PWWP2B: variants seen among roughly 807,000 people sequenced by gnomAD.
The protein encoded by PWWP2B is PWWP domain containing 2B, also known as PWWP domain-containing protein 2B.
Under a neutral mutation model 15.5 loss-of-function variants are expected in PWWP2B, and 9 were observed. The ratio of observed to expected loss-of-function variants is 0.58; its 90% confidence interval spans 0.35 to 1.02. PWWP2B has a LOEUF of 1.02. Ranked by LOEUF, PWWP2B falls within the 50% of genes least tolerant of loss-of-function variation. The pLI is 0.02. For missense variants in PWWP2B, 864 were observed against 865.3 expected (o/e 1.00, Z 0.02); for synonymous variants, 474 against 403.6 (o/e 1.17, Z -2.09).
At chr10:132,409,211 C>T (rs1188528813) in intron 2 of PWWP2B, among the ~76,000 whole-genome samples, 2 of 152,244 alleles carry the variant, frequency 1.3e-5, no homozygotes, top group Non-Finnish European at 2.9e-5. Flanking sequence ...GGCCTGTGGC[C>T]GCTGCCCTTG....
At position 132,405,402 on chromosome 10, in the gene PWWP2B, C is replaced by A; in HGVS notation, c.902C>A (p.Ser301Tyr). Residue 301 changes from serine to tyrosine, a missense_variant, in exon 2 of 3, where the codon TCC becomes TAC. Coordinates refer to ENST00000305233, the MANE Select transcript of PWWP2B (RefSeq NM_138499.4). Reference sequence around the variant, plus strand: ...GACCCCGAGGTGCTGGACAGAGAGTCCCGGGACCGGCCGTCCTGCGCGCCC... The same window carrying A: ...GACCCCGAGGTGCTGGACAGAGAGTACCGGGACCGGCCGTCCTGCGCGCCC... ...SQDPEVLDRE[S>Y]RDRPSCAPSA... 2 of 1,611,116 alleles carry A rather than the reference C, an allele frequency of 1.2e-6. No individual in the cohort carries two copies. The highest frequency in any genetic ancestry group is 1.1e-5 in the South Asian group (1 of 90,986).
Position 132,405,534 on chromosome 10 carries a change from A to G in PWWP2B, c.1034A>G (p.His345Arg), listed in dbSNP as rs562598095. Reference protein sequence around the residue: ...LKPHRLGDSEHEPVYRAELVG... With the variant: ...LKPHRLGDSEREPVYRAELVG... The stretch of plus-strand genomic sequence containing the variant: ...CCCCACCGTCTGGGGGACAGCGAGC[A>G]CGAGCCCGTGTACCGGGCCGAGCTG... Residue 345 changes from histidine (H) to arginine (R), a missense_variant, in exon 2 of 3, where the codon CAC becomes CGC. Around this residue, in one of 2 missense-constraint regions of PWWP2B, gnomAD observed 736 missense variants for 687.7 expected, o/e 1.07. Coordinates refer to ENST00000305233, the MANE Select transcript of PWWP2B (RefSeq NM_138499.4). The G allele has an allele frequency of 5.6e-6, 9 of 1,603,572 alleles. No individual in the cohort carries two copies. The highest frequency in any genetic ancestry group is 1.7e-4 in the Middle Eastern group (1 of 6,054).
intron 1 of PWWP2B, among the ~76,000 whole-genome samples, chr10:132,399,553 C>T (rs2069587640): frequency 6.6e-6 from 1 of 152,272 alleles, no homozygotes; most frequent in African/African-American, 2.4e-5. Flanking sequence ...TGGCTTGTGC[C>T]ACAAGGGCCA....
rs1210407638 is a variant in PWWP2B, at chr10:132,417,239, C to A, written c.*195C>A. Reference sequence around the variant, plus strand: ...GGGGATGGCCCTGAGCCCAGCGGCTCCTCCCGCTGAGTGTATTTCTTCCCA... The same window carrying A: ...GGGGATGGCCCTGAGCCCAGCGGCTACTCCCGCTGAGTGTATTTCTTCCCA... On this transcript the variant is annotated 3_prime_UTR_variant, in exon 3 of 3. Coordinates refer to ENST00000305233, the MANE Select transcript of PWWP2B (RefSeq NM_138499.4). 3 of 736,370 alleles carry A rather than the reference C, an allele frequency of 4.1e-6. No individual in the cohort carries two copies. The highest frequency in any genetic ancestry group is 7.0e-6 in the Non-Finnish European group (3 of 425,886). The allele number at this position is 736,370 out of a possible 1,614,324, so 45.6% of individuals were successfully genotyped here.
chr10:132,406,269 C>T lies in PWWP2B; in HGVS notation c.1769C>T (p.Thr590Met), dbSNP rs762657112. Residue 590 changes from threonine (T) to methionine (M), a missense_variant, in exon 2 of 3, where the codon ACG becomes ATG. Physicochemically the swap from Thr to Met is moderately conservative, Grantham distance 81. This residue lies in a region of PWWP2B where 128 missense variants were observed against 177.6 expected (regional missense o/e 0.72). Coordinates refer to ENST00000305233, the MANE Select transcript of PWWP2B (RefSeq NM_138499.4). The stretch of plus-strand genomic sequence containing the variant: ...AGGGAGCTCTTAACCCAGTTTGAAA[C>T]GTAACTGGTTCCCTGACCAGGTGAG... ...EIRELLTQFE[T>M] 3.7e-6 allele frequency: 6 copies of T among 1,606,622 alleles called. No individual in the cohort carries two copies. The highest frequency in any genetic ancestry group is 1.1e-5 in the South Asian group (1 of 90,692).
intron 2 of PWWP2B, among the ~76,000 whole-genome samples, 166 bp from the exon 3 acceptor site, chr10:132,416,895 G>A (rs1452780461): frequency 6.6e-6 from 1 of 152,184 alleles, no homozygotes; most frequent in Non-Finnish European, 1.5e-5. Flanking sequence ...CAGCCGGGCT[G>A]TGGGCCCTGA....
rs1038755856 is a variant in PWWP2B, at chr10:132,405,515, C to T, written c.1015C>T (p.Arg339Cys). 3.1e-6 allele frequency: 5 copies of T among 1,603,862 alleles called. No individual in the cohort carries two copies. The highest frequency in any genetic ancestry group is 1.7e-5 in the Admixed American group (1 of 59,956). Residue 339 changes from arginine (R) to cysteine (C), a missense_variant, in exon 2 of 3, where the codon CGT becomes TGT. Physicochemically the swap from Arg to Cys is radical, Grantham distance 180. Transcript: ENST00000305233. ...CCCTAAGATCCGCCTGAAGCCCCACCGTCTGGGGGACAGCGAGCACGAGCC... is the reference window on the plus strand; with the variant it reads ...CCCTAAGATCCGCCTGAAGCCCCACTGTCTGGGGGACAGCGAGCACGAGCC... ...PPPKIRLKPHRLGDSEHEPVY... is the reference protein window; with the variant it reads ...PPPKIRLKPHCLGDSEHEPVY...
intron 2 of PWWP2B, 87 bp from the exon 3 acceptor site, chr10:132,416,974 C>CCCTG: frequency 6.7e-7 from 1 of 1,494,262 alleles, no homozygotes; most frequent in Non-Finnish European, 9.3e-7. Context: ...CTCCGGGGCA[C>CCCTG]CCTGACCTGC....
intron 1 of PWWP2B, among the ~76,000 whole-genome samples, chr10:132,398,691 C>G (rs1323474351): frequency 6.6e-6 from 1 of 152,234 alleles, no homozygotes; most frequent in Non-Finnish European, 1.5e-5. Flanking sequence ...TCTACACCAC[C>G]GCCTCCCCTT....
At chr10:132,406,940 T>C (rs1030329203) in intron 2 of PWWP2B, among the ~76,000 whole-genome samples, 6 of 152,010 alleles carry the variant, frequency 3.9e-5, no homozygotes, top group Non-Finnish European at 5.9e-5. Flanking sequence ...TGGGACATGG[T>C]GTGGGGGCCT....
At chr10:132,413,114 G>C (rs775503194) in intron 2 of PWWP2B, among the ~76,000 whole-genome samples, 1 of 152,208 alleles carries the variant, frequency 6.6e-6, no homozygotes, top group African/African-American at 2.4e-5. Context: ...CCCTCGGGCC[G>C]CTGCTGTTTC....
Position 132,404,915 on chromosome 10 carries a change from T to C in PWWP2B, c.415T>C (p.Trp139Arg). 1 of 1,595,382 alleles carries C rather than the reference T, an allele frequency of 6.3e-7. No homozygotes were observed. Among genetic ancestry groups the C allele is most frequent in the South Asian group, 1.1e-5 (1 of 90,948 alleles). ...GTGGCTCCGGGACACGTACAAGCTG[T>C]GGGTGCCCCAGCCGCCGCCCAGGAC... ...PLWLRDTYKLWVPQPPPRTIK... is the reference protein window; with the variant it reads ...PLWLRDTYKLRVPQPPPRTIK... The change falls in exon 2 of 3, where the codon TGG (tryptophan) becomes CGG (arginine). Residue 139 changes from tryptophan (W) to arginine (R), a missense_variant. Transcript: ENST00000305233.
chr10:132,405,882 C>T lies in PWWP2B; in HGVS notation c.1382C>T (p.Ala461Val). ...GASAPSVSREARQTVPPLTVR... is the reference protein window; with the variant it reads ...GASAPSVSREVRQTVPPLTVR... Reference sequence around the variant, plus strand: ...TCAGCGCCCTCGGTGTCCAGAGAGGCTCGCCAAACGGTGCCGCCCCTGACG... The same window carrying T: ...TCAGCGCCCTCGGTGTCCAGAGAGGTTCGCCAAACGGTGCCGCCCCTGACG... The change falls in exon 2 of 3, where the codon GCT becomes GTT. Residue 461 changes from alanine to valine, a missense_variant. Around this residue, in one of 2 missense-constraint regions of PWWP2B, gnomAD observed 736 missense variants for 687.7 expected, o/e 1.07. Coordinates refer to ENST00000305233, the MANE Select transcript of PWWP2B (RefSeq NM_138499.4). 6.2e-7 allele frequency: 1 copy of T among 1,611,474 alleles called. No individual in the cohort carries two copies.
intron 1 of PWWP2B, among the ~76,000 whole-genome samples, chr10:132,398,303 T>G (rs2069565122): frequency 2.0e-5 from 3 of 152,190 alleles, no homozygotes. Flanking sequence ...CAGAAGCCAT[T>G]TATCCACAAG....
At position 132,397,349 on chromosome 10, in the gene PWWP2B, A is replaced by C; in HGVS notation, c.123A>C (p.Lys41Asn). The change falls in exon 1 of 3, where the codon AAA becomes AAC. Residue 41 changes from lysine to asparagine, a missense_variant and splice_region_variant. Around this residue, in one of 2 missense-constraint regions of PWWP2B, gnomAD observed 736 missense variants for 687.7 expected, o/e 1.07. Coordinates refer to ENST00000305233, the MANE Select transcript of PWWP2B (RefSeq NM_138499.4). Reference protein sequence around the residue: ...SFAGILLDCTKKSGLFGLPPL... With the variant: ...SFAGILLDCTNKSGLFGLPPL... ...CGGGGATCCTGCTGGACTGCACGAA[A>C]AAGTGAGCGGGGGCGCGGGCCGGGA... 7.4e-7 allele frequency: 1 copy of C among 1,353,544 alleles called. No individual in the cohort carries two copies. The highest frequency in any genetic ancestry group is 1.5e-5 in the African/African-American group (1 of 66,450). The allele number at this position is 1,353,544 out of a possible 1,614,324, so 83.8% of individuals were successfully genotyped here. A position where few individuals can be genotyped will look rare whatever the true frequency, so the allele number is the denominator to read the frequency against.
intron 2 of PWWP2B, among the ~76,000 whole-genome samples, chr10:132,410,332 A>G (rs549755694): frequency 2.1e-3 from 247 of 115,874 alleles, no homozygotes; most frequent in African/African-American, 7.5e-3. Context: ...ATCCGTATTC[A>G]TCGGGGGGGA....
At chr10:132,404,299 C>T (rs2069651865) in intron 1 of PWWP2B, among the ~76,000 whole-genome samples, 1 of 152,146 alleles carries the variant, frequency 6.6e-6, no homozygotes, top group Non-Finnish European at 1.5e-5. Context: ...GGGAGCATTC[C>T]TGCTGGGGTC....
chr10:132,397,441 G>T, intron 1 of PWWP2B, 90 bp downstream of exon 1: 7 of 1,115,538 alleles, frequency 6.3e-6, no homozygotes, highest in Non-Finnish European at 7.7e-6. Context: ...CCTCCGGGTT[G>T]GGGGTGGCGT....
intron 2 of PWWP2B, among the ~76,000 whole-genome samples, chr10:132,411,554 A>G (rs10781572): frequency 0.65 from 99,265 of 152,242 alleles, 33,974 homozygotes; most frequent in African/African-American, 0.86. Context: ...CCCGTGGGGC[A>G]AGGGAGGGAC....
Sources: gnomAD v4.1 joint callset for allele counts (sites outside exome capture counted in the v4.1 genomes callset) on GRCh38, gnomAD v4.1.1 for gene constraint, gnomAD v4.1.1 regional missense constraint, MANE v1.5 for transcripts, NCBI Gene and HGNC (gene_info 2026-07-23, HGNC 2026-07-21) for gene names.